LY96: variants seen among roughly 807,000 people sequenced by gnomAD.
LY96 encodes lymphocyte antigen 96.
LY96 carries 18 observed loss-of-function variants against 18.9 expected under a neutral mutation model. The ratio of observed to expected loss-of-function variants is 0.95; its 90% CI spans 0.66 to 1.41. The LOEUF (loss-of-function observed/expected upper bound fraction) is 1.41. LY96 is among the 40% of genes most tolerant of loss of function. LY96 has a pLI of 0.00. For missense variants in LY96, 175 were observed against 182.4 expected (o/e 0.96, Z 0.23); for synonymous variants, 66 against 62.6 (o/e 1.06, Z -0.26).
chr8:74,033,570 C>G (rs1817004316), downstream of LY96, among the ~76,000 whole-genome samples: 1 of 152,166 alleles, frequency 6.6e-6, no homozygotes, highest in Non-Finnish European at 1.5e-5. Context: ...CTGATTCTAA[C>G]TTTATAGAAG....
the LY96 span, among the ~76,000 whole-genome samples, chr8:74,046,173 G>T: frequency 1.3e-5 from 2 of 151,878 alleles, no homozygotes; most frequent in Admixed American, 1.3e-4. Flanking sequence ...CAGCTACTTG[G>T]GAGGCTGAGG....
chr8:74,049,538 C>A, the LY96 span, among the ~76,000 whole-genome samples: 3 of 151,740 alleles, frequency 2.0e-5, no homozygotes, highest in African/African-American at 4.9e-5. Context: ...TGATTTCAGT[C>A]AAAAAATAAG....
At chr8:74,046,526 GTACTC>G in the LY96 span, among the ~76,000 whole-genome samples, 1 of 151,978 alleles carries the variant, frequency 6.6e-6, no homozygotes. Flanking sequence ...ATACCAAAAG[GTACTC>G]TTCTGTGTTT....
At chr8:74,032,153 A>G (rs1294667904), downstream of LY96, among the ~76,000 whole-genome samples, 1 of 152,094 alleles carries the variant, frequency 6.6e-6, no homozygotes, top group Non-Finnish European at 1.5e-5. Context: ...AAAACAAAAA[A>G]ACAACCAACC....
the LY96 span, among the ~76,000 whole-genome samples, chr8:74,071,567 T>A: frequency 6.6e-6 from 1 of 152,162 alleles, no homozygotes; most frequent in Non-Finnish European, 1.5e-5. Context: ...GTGAACCACT[T>A]CTCCACCCAA....
the LY96 span, among the ~76,000 whole-genome samples, chr8:74,085,726 T>G: frequency 6.6e-6 from 1 of 152,230 alleles, no homozygotes; most frequent in Non-Finnish European, 1.5e-5. Context: ...TTTTTAAATT[T>G]AATTTTTTCC....
chr8:74,048,158 C>T, the LY96 span, among the ~76,000 whole-genome samples: 1 of 152,178 alleles, frequency 6.6e-6, no homozygotes, highest in Non-Finnish European at 1.5e-5. Flanking sequence ...AGACTCACAT[C>T]TCTGATATGG....
chr8:74,081,252 T>C, the LY96 span, among the ~76,000 whole-genome samples: 1 of 148,800 alleles, frequency 6.7e-6, no homozygotes, highest in South Asian at 2.2e-4. Context: ...CTCTCTCCCT[T>C]TCTTTCTCCT....
At chr8:74,054,669 T>TTTC in the LY96 span, among the ~76,000 whole-genome samples, 3 of 144,642 alleles carry the variant, frequency 2.1e-5, no homozygotes, top group African/African-American at 5.2e-5. Context: ...TCTTTCTTTC[T>TTTC]TTCTTTTTAT....
chr8:74,004,130 G>A (rs1816356600), intron 1 of LY96, among the ~76,000 whole-genome samples: 1 of 152,144 alleles, frequency 6.6e-6, no homozygotes, highest in South Asian at 2.1e-4. Context: ...CAGAGAAATT[G>A]GGATGCTGGA....
chr8:73,996,361 C>CTTCA (rs1212037923), intron 1 of LY96, among the ~76,000 whole-genome samples: 1 of 87,830 alleles, frequency 1.1e-5, no homozygotes, highest in African/African-American at 4.1e-5. Flanking sequence ...TCCTTCCTTC[C>CTTCA]TTCCTTCATT....
chr8:74,082,049 C>T, the LY96 span, among the ~76,000 whole-genome samples: 2 of 152,206 alleles, frequency 1.3e-5, no homozygotes, highest in Non-Finnish European at 2.9e-5. Flanking sequence ...GCTTCCTGCT[C>T]CCTGCTTTCA....
intron 3 of LY96, among the ~76,000 whole-genome samples, chr8:74,021,245 C>A (rs956227131): frequency 2.0e-5 from 3 of 152,116 alleles, no homozygotes; most frequent in African/African-American, 7.2e-5. Context: ...ACAACCCCAT[C>A]AAAAAGTGGG....
At chr8:74,028,812 A>G (rs1006215278) in intron 4 of LY96, 144 bp from the exon 5 acceptor site, 1 of 542,940 alleles carries the variant, frequency 1.8e-6, no homozygotes, top group Non-Finnish European at 3.2e-6. Flanking sequence ...ATTCAAAGAC[A>G]TGGAAAATTT....
chr8:74,072,639 A>G, the LY96 span, among the ~76,000 whole-genome samples: 5 of 152,226 alleles, frequency 3.3e-5, no homozygotes, highest in East Asian at 1.9e-4. Flanking sequence ...TTGATAATAC[A>G]CTGAAAAATT....
chr8:74,015,649 A>G (rs1169066948), intron 3 of LY96, among the ~76,000 whole-genome samples: 9 of 152,164 alleles, frequency 5.9e-5, no homozygotes, highest in Admixed American at 3.3e-4. Flanking sequence ...GGGCTTCAAC[A>G]TATCTTTTTG....
chr8:74,009,632 T>C (rs1816488291), intron 2 of LY96, among the ~76,000 whole-genome samples: 1 of 152,188 alleles, frequency 6.6e-6, no homozygotes, highest in Non-Finnish European at 1.5e-5. Flanking sequence ...GTTGACTGTC[T>C]CACTGTCCTT....
intron 3 of LY96, among the ~76,000 whole-genome samples, chr8:74,018,630 GCAC>G (rs1816694600): frequency 6.6e-6 from 1 of 152,168 alleles, no homozygotes; most frequent in South Asian, 2.1e-4. Flanking sequence ...ATTCTTCTCA[GCAC>G]CACATTGCAC....
the LY96 span, among the ~76,000 whole-genome samples, chr8:74,086,502 G>C: frequency 6.6e-6 from 1 of 152,152 alleles, no homozygotes; most frequent in African/African-American, 2.4e-5. Flanking sequence ...TGTTATAACA[G>C]GCTTTTCCTT....
Sources: gnomAD v4.1 joint callset for allele counts (sites outside exome capture counted in the v4.1 genomes callset) on GRCh38, gnomAD v4.1.1 for gene constraint, MANE v1.5 for transcripts, NCBI Gene and HGNC (gene_info 2026-07-23, HGNC 2026-07-21) for gene names.